ATP6V0A2: variants seen among roughly 807,000 people sequenced by gnomAD.
ATP6V0A2 encodes the protein ATPase H+ transporting V0 subunit a2.
Under a neutral mutation model 104.4 loss-of-function variants are expected in ATP6V0A2, and 58 were observed. The observed-to-expected ratio is 0.56, with a 90% CI of 0.45 to 0.69. The LOEUF (loss-of-function observed/expected upper bound fraction) is 0.69, where lower values mean the gene tolerates loss of function less well. Ranked by LOEUF, ATP6V0A2 falls within the 30% of genes least tolerant of loss-of-function variation. ATP6V0A2 has a pLI of 0.00. For synonymous variants in ATP6V0A2, 376 were observed against 397.9 expected, an observed-to-expected ratio of 0.95 and a Z score of 0.65; for missense variants, 938 against 1,062.9, an observed-to-expected ratio of 0.88 and a Z score of 1.63.
intron 1 of ATP6V0A2, 99 bp from the exon 2 acceptor site, chr12:123,718,524 A>G: frequency 4.9e-6 from 4 of 821,514 alleles, no homozygotes; most frequent in Non-Finnish European, 8.0e-6. Flanking sequence ...ATAGTATACA[A>G]GAGTGTACAT....
chr12:123,745,079 AG>A, intron 13 of ATP6V0A2, 107 bp downstream of exon 13: 1 of 1,134,878 alleles, frequency 8.8e-7, no homozygotes, highest in Admixed American at 1.9e-5. Context: ...CGCTGCCCTG[AG>A]CGGGAGGTGC....
chr12:123,749,709 G>A (rs1376357971), intron 15 of ATP6V0A2, among the ~76,000 whole-genome samples: 2 of 152,172 alleles, frequency 1.3e-5, no homozygotes, highest in Admixed American at 6.5e-5. Flanking sequence ...TGCTGTGAGC[G>A]CCACGGCATC....
intron 1 of ATP6V0A2, among the ~76,000 whole-genome samples, chr12:123,718,035 G>A (rs1043369423): frequency 4.6e-5 from 7 of 150,856 alleles, no homozygotes; most frequent in Admixed American, 6.6e-5. Context: ...AGCAATTCTC[G>A]TGCCTCAGCC....
At chr12:123,728,893 T>C (rs1196902236) in intron 6 of ATP6V0A2, among the ~76,000 whole-genome samples, 1 of 152,080 alleles carries the variant, frequency 6.6e-6, no homozygotes, top group African/African-American at 2.4e-5. Context: ...TTAGTTCCAT[T>C]ACTGGTCGTG....
chr12:123,714,144 C>T (rs556429475), intron 1 of ATP6V0A2, among the ~76,000 whole-genome samples: 77 of 152,340 alleles, frequency 5.1e-4, no homozygotes, highest in African/African-American at 1.8e-3. Flanking sequence ...AGCCAAGACA[C>T]TTATCACACT....
chr12:123,717,184 A>G (rs964680264), intron 1 of ATP6V0A2, among the ~76,000 whole-genome samples: 12 of 151,746 alleles, frequency 7.9e-5, no homozygotes, highest in South Asian at 2.1e-4. Context: ...GGGTGGTGGC[A>G]CTTGGCTGTA....
Position 123,761,047 on chromosome 12 carries a change from C to G in ATP6V0A2, c.*3015C>G, listed in dbSNP as rs922877758. 2 of 152,274 alleles carry G rather than the reference C, an allele frequency of 1.3e-5. No homozygotes were observed. The highest frequency in any genetic ancestry group is 2.4e-5 in the African/African-American group (1 of 41,436). 9.4% of individuals were successfully genotyped at this position (152,274 alleles called of 1,614,324 possible). A position where few individuals can be genotyped will look rare whatever the true frequency, so the allele number is the denominator to read the frequency against. On this transcript the variant is annotated 3_prime_UTR_variant, in exon 20 of 20. Transcript: ENST00000330342. Reference sequence around the variant, plus strand: ...CTAGCCTCCCGAGTAGCTGGGATTACAGGCGCCTGCCACAGTGCCCGGCTA... The same window carrying G: ...CTAGCCTCCCGAGTAGCTGGGATTAGAGGCGCCTGCCACAGTGCCCGGCTA...
rs528425698 is a variant in ATP6V0A2, at chr12:123,753,916, G to A, written c.2176-504G>A. The A allele has an allele frequency of 6.1e-5, 10 of 164,910 alleles. No individual in the cohort carries two copies. In the South Asian group the frequency reaches 9.3e-4, roughly 15 times the overall value. 10.2% of individuals were successfully genotyped at this position (164,910 alleles called of 1,614,324 possible). A position where few individuals can be genotyped will look rare whatever the true frequency, so the allele number is the denominator to read the frequency against. On this transcript the variant is annotated intron_variant, in intron 17 of 19. Coordinates refer to ENST00000330342, the MANE Select transcript of ATP6V0A2 (RefSeq NM_012463.4). ...AGAAACAAAAGCAGAGCTGGAAAGC[G>A]CATGAGAGTCACCTTGCCTGGTGCT...
chr12:123,751,157 T>C lies in ATP6V0A2; in HGVS notation c.1983T>C (p.Pro661=), dbSNP rs1956710147. The stretch of plus-strand genomic sequence containing the variant: ...TGGTTGTCACAGCATTGTCTGTCCC[T>C]GTCCTCTTCTTGGGAAAGCCACTGT... The part of the protein sequence containing the change: ...VLLVVTALSV[P]VLFLGKPLFL... Residue 661 remains proline (P), a synonymous_variant, in exon 16 of 20, where the codon CCT becomes CCC. Coordinates refer to ENST00000330342, the MANE Select transcript of ATP6V0A2 (RefSeq NM_012463.4). The C allele has an allele frequency of 1.9e-6, 3 of 1,614,222 alleles. No homozygotes were observed. Among genetic ancestry groups the C allele is most frequent in the Non-Finnish European group, 2.5e-6 (3 of 1,180,046 alleles).
chr12:123,741,671 G>A (rs923784363), intron 9 of ATP6V0A2, among the ~76,000 whole-genome samples: 5 of 151,896 alleles, frequency 3.3e-5, no homozygotes, highest in African/African-American at 4.8e-5. Flanking sequence ...TACAAAAGAC[G>A]GTGTCTGGTC....
chr12:123,737,220 G>T lies in ATP6V0A2; in HGVS notation c.987G>T (p.Trp329Cys). 1 of 1,614,154 alleles carries T rather than the reference G, an allele frequency of 6.2e-7. No individual in the cohort carries two copies. Among genetic ancestry groups the T allele is most frequent in the Non-Finnish European group, 8.5e-7 (1 of 1,180,036 alleles). The change falls in exon 9 of 20, where the codon TGG becomes TGT. Residue 329 changes from tryptophan (W) to cysteine (C), a missense_variant. Coordinates refer to ENST00000330342, the MANE Select transcript of ATP6V0A2 (RefSeq NM_012463.4). ...ACAAGTGCCTCATTGCTGAGGTCTGGTGTCCCGAGGCGGATCTGCAGGACC... is the reference window on the plus strand; with the variant it reads ...ACAAGTGCCTCATTGCTGAGGTCTGTTGTCCCGAGGCGGATCTGCAGGACC... ...VTNKCLIAEV[W>C]CPEADLQDLR...
intron 17 of ATP6V0A2, 36 bp downstream of exon 17, chr12:123,752,438 A>G (rs1956725362): frequency 6.2e-7 from 1 of 1,610,898 alleles, no homozygotes; most frequent in Non-Finnish European, 8.5e-7. Flanking sequence ...AAACTTAGAT[A>G]AGTAACCAAG....
At chr12:123,738,266 G>T (rs1956575291) in intron 9 of ATP6V0A2, among the ~76,000 whole-genome samples, 1 of 152,132 alleles carries the variant, frequency 6.6e-6, no homozygotes, top group Admixed American at 6.5e-5. Context: ...GCTGGGCGGG[G>T]TGGCACATGC....
rs558861701 is a variant in ATP6V0A2 at position 123,722,686 on chromosome 12, C to G, written c.294+238C>G. 2.0e-5 allele frequency among the ~76,000 whole-genome samples: 3 copies of G among 152,234 alleles called. No individual in the cohort carries two copies. The East Asian group carries it at 5.8e-4, about 29-fold the overall frequency. ...ACAGTGTAAGGCATATGCTTCCTTT[C>G]CAGGTGGTGGTGAACAGAGGCAACA... On this transcript the variant is annotated intron_variant, in intron 3 of 19. Transcript: ENST00000330342.
Position 123,724,306 on chromosome 12 carries a change from C to T in ATP6V0A2, c.295-348C>T, listed in dbSNP as rs913050141. 7.8e-5 allele frequency: 17 copies of T among 216,608 alleles called. No homozygotes were observed. In the East Asian group the frequency reaches 2.1e-3, roughly 26 times the overall value. The allele number at this position is 216,608 out of a possible 1,614,324, so 13.4% of individuals were successfully genotyped here. A position where few individuals can be genotyped will look rare whatever the true frequency, so the allele number is the denominator to read the frequency against. ...AGGGAGGCCGAGGCGGGTGGATTAC[C>T]TGAGGTCAAGAGTTCAAGACCAGCC... On this transcript the variant is annotated intron_variant, in intron 3 of 19. Coordinates refer to ENST00000330342, the MANE Select transcript of ATP6V0A2 (RefSeq NM_012463.4).
chr12:123,720,063 G>T (rs10160842), intron 2 of ATP6V0A2, among the ~76,000 whole-genome samples: 89,386 of 151,968 alleles, frequency 0.59, 27,136 homozygotes, highest in East Asian at 0.94. Context: ...CCTTTCTCTC[G>T]GCTGACCTTA....
At chr12:123,733,688 C>T (rs893965339) in intron 6 of ATP6V0A2, 17 of 522,462 alleles carry the variant, frequency 3.3e-5, no homozygotes, top group Middle Eastern at 5.1e-4. Flanking sequence ...TACCTGGGAA[C>T]GCGGGTGTCG....
At chr12:123,753,657 G>C (rs934277136) in intron 17 of ATP6V0A2, among the ~76,000 whole-genome samples, 1 of 152,238 alleles carries the variant, frequency 6.6e-6, no homozygotes, top group African/African-American at 2.4e-5. Context: ...ACATAATTCA[G>C]AGCCAGTGTG....
At chr12:123,726,483 A>G (rs759781999) in intron 5 of ATP6V0A2, among the ~76,000 whole-genome samples, 198 bp downstream of exon 5, 7 of 152,230 alleles carry the variant, frequency 4.6e-5, no homozygotes, top group Admixed American at 1.3e-4. Flanking sequence ...TTTACTCAAC[A>G]CAATGGAAAT....
Sources: gnomAD v4.1 joint callset for allele counts (sites outside exome capture counted in the v4.1 genomes callset) on GRCh38, gnomAD v4.1.1 for gene constraint, MANE v1.5 for transcripts, NCBI Gene and HGNC (gene_info 2026-07-23, HGNC 2026-07-21) for gene names.